DOCK8: variants seen among roughly 807,000 people sequenced by gnomAD.
DOCK8 encodes the protein dedicator of cytokinesis 8.
DOCK8 carries 141 observed loss-of-function variants against 245.6 expected under a neutral mutation model. The ratio of observed to expected loss-of-function variants is 0.57; its 90% CI spans 0.50 to 0.66. The LOEUF is 0.66. DOCK8 is among the 30% of genes least tolerant of loss of function. The pLI, the probability that DOCK8 is intolerant of heterozygous loss-of-function variation, is 0.00. For missense variants in DOCK8, 2,965 were observed against 2,603.4 expected (o/e 1.14, Z -3.02); for synonymous variants, 1,168 against 970.2 (o/e 1.20, Z -3.79).
chr9:435,006 A>C (rs1231484173), intron 39 of DOCK8, 31 bp downstream of exon 39: 1 of 1,609,116 alleles, frequency 6.2e-7, no homozygotes, highest in South Asian at 1.1e-5. Flanking sequence ...CCCTTAGAGC[A>C]GTGGTTCTCA....
intron 6 of DOCK8, among the ~76,000 whole-genome samples, chr9:314,624 G>A (rs1418502375): frequency 6.6e-6 from 1 of 152,170 alleles, no homozygotes; most frequent in African/African-American, 2.4e-5. Context: ...TTGTAAACTG[G>A]CGTGTCTAAA....
At chr9:362,674 A>G (rs974717185) in intron 14 of DOCK8, among the ~76,000 whole-genome samples, 2 of 152,180 alleles carry the variant, frequency 1.3e-5, no homozygotes, top group Admixed American at 1.3e-4. Flanking sequence ...CCAGTCGCTT[A>G]AACAGGTGGC....
chr9:448,705 T>C (rs1485716403), intron 44 of DOCK8, among the ~76,000 whole-genome samples: 2 of 152,168 alleles, frequency 1.3e-5, no homozygotes, highest in Non-Finnish European at 2.9e-5. Context: ...TTTCCTCTTC[T>C]CGTAAGGACA....
intron 4 of DOCK8, among the ~76,000 whole-genome samples, chr9:299,266 C>T (rs762281465): frequency 2.0e-5 from 3 of 152,076 alleles, no homozygotes; most frequent in Non-Finnish European, 4.4e-5. Flanking sequence ...TATGTTGTTG[C>T]CTACATTTAT....
chr9:332,613 T>A (rs2130861523), intron 10 of DOCK8, 135 bp downstream of exon 10: 1 of 359,912 alleles, frequency 2.8e-6, no homozygotes. Context: ...TTTAATTAAA[T>A]AAAAGAGGAA....
At position 420,392 on chromosome 9, in the gene DOCK8, T is replaced by C; in HGVS notation, c.3841-9T>C. 1.9e-6 allele frequency: 3 copies of C among 1,614,086 alleles called. No homozygotes were observed. Among genetic ancestry groups the C allele is most frequent in the Non-Finnish European group, 2.5e-6 (3 of 1,180,022 alleles). On this transcript the variant is annotated splice_polypyrimidine_tract_variant and intron_variant, in intron 30 of 47. Transcript: ENST00000432829. Reference sequence around the variant, plus strand: ...CCTGGCCTCCATCCCCCAATCTGCCTCCCTTCAGCCCTATAAGCAGTACAA... The same window carrying C: ...CCTGGCCTCCATCCCCCAATCTGCCCCCCTTCAGCCCTATAAGCAGTACAA...
rs1197623406 is a variant in DOCK8 at position 370,317 on chromosome 9, A to C, written c.1868+17A>C. On this transcript the variant is annotated intron_variant, in intron 16 of 47. Transcript: ENST00000432829. ...CCATAATAAGTAAGTCTATTTCAGC[A>C]TTCTAAATATATGCCAAGATGGTTT... 1.2e-6 allele frequency: 2 copies of C among 1,609,112 alleles called. No individual in the cohort carries two copies. The highest frequency in any genetic ancestry group is 1.3e-5 in the African/African-American group (1 of 74,934).
chr9:416,189 A>T (rs112905959), intron 29 of DOCK8, among the ~76,000 whole-genome samples: 1 of 152,336 alleles, frequency 6.6e-6, no homozygotes, highest in East Asian at 1.9e-4. Context: ...AGGGCTGAGC[A>T]AGCTGCACCA....
At chr9:214,372 T>C (rs1189179361), upstream of DOCK8, 2 of 748,318 alleles carry the variant, frequency 2.7e-6, no homozygotes, top group Non-Finnish European at 4.3e-6. Flanking sequence ...ATTATATTTA[T>C]TTAGTGTCTC....
At chr9:236,236 T>C (rs1349917614) in intron 1 of DOCK8, among the ~76,000 whole-genome samples, 11 of 152,130 alleles carry the variant, frequency 7.2e-5, no homozygotes, top group Admixed American at 7.2e-4. Flanking sequence ...TGAATCAGTA[T>C]TGGAGACAGG....
Position 286,555 on chromosome 9 carries a change from G to C in DOCK8, c.251G>C (p.Gly84Ala). 4 of 1,613,948 alleles carry C rather than the reference G, an allele frequency of 2.5e-6. No homozygotes were observed. The highest frequency in any genetic ancestry group is 3.4e-6 in the Non-Finnish European group (4 of 1,179,938). Reference protein sequence around the residue: ...SLDVQLAQELGDFTDDDLDVV... With the variant: ...SLDVQLAQELADFTDDDLDVV... ...GATGTGCAGCTTGCCCAGGAGCTCG[G>C]GGACTTCACTGATGACGACTTGGAC... Residue 84 changes from glycine (G) to alanine (A), a missense_variant, in exon 3 of 48, where the codon GGG (glycine) becomes GCG (alanine). By Grantham distance (60) the Gly-to-Ala change is moderately conservative. Transcript: ENST00000432829.
chr9:432,050 A>G, intron 36 of DOCK8, 116 bp from the exon 37 acceptor site: 2 of 1,044,728 alleles, frequency 1.9e-6, no homozygotes, highest in Non-Finnish European at 2.9e-6. Context: ...GAAATAATTA[A>G]GACGGGGCAA....
At chr9:332,017 C>G (rs1281197153) in intron 9 of DOCK8, among the ~76,000 whole-genome samples, 1 of 152,124 alleles carries the variant, frequency 6.6e-6, no homozygotes, top group Non-Finnish European at 1.5e-5. Flanking sequence ...CGTATGTCTC[C>G]TGGGTTTTGT....
At chr9:286,774 T>C in intron 3 of DOCK8, 138 bp downstream of exon 3, 1 of 842,110 alleles carries the variant, frequency 1.2e-6, no homozygotes, top group Non-Finnish European at 2.0e-6. Flanking sequence ...GGGACAGCTA[T>C]ATGATATCAT....
chr9:333,420 T>A (rs1460643058), intron 10 of DOCK8, among the ~76,000 whole-genome samples: 1 of 152,040 alleles, frequency 6.6e-6, no homozygotes, highest in Non-Finnish European at 1.5e-5. Flanking sequence ...GCCAACACGG[T>A]GAAACCCCGT....
chr9:400,444 ACCACCAGCATCT>A (rs1222611654), intron 26 of DOCK8, among the ~76,000 whole-genome samples: 22 of 23,012 alleles, frequency 9.6e-4, no homozygotes, highest in Middle Eastern at 0.071. Flanking sequence ...CACCTCCACC[ACCACCAGCATCT>A]TCACCATCAC....
chr9:285,884 G>T (rs1447100292), intron 2 of DOCK8, among the ~76,000 whole-genome samples: 2 of 152,162 alleles, frequency 1.3e-5, no homozygotes, highest in African/African-American at 2.4e-5. Context: ...AGTCGCCCCA[G>T]TGACATTTAG....
chr9:280,450 G>C (rs2048529744), intron 2 of DOCK8, among the ~76,000 whole-genome samples: 1 of 152,198 alleles, frequency 6.6e-6, no homozygotes, highest in Admixed American at 6.5e-5. Flanking sequence ...GAAGGTATTG[G>C]CTTGCCTACT....
At chr9:325,204 A>G (rs907536459) in intron 7 of DOCK8, among the ~76,000 whole-genome samples, 5 of 152,188 alleles carry the variant, frequency 3.3e-5, no homozygotes, top group African/African-American at 1.2e-4. Flanking sequence ...CATTTTCTTT[A>G]TCTACTCATT....
Sources: gnomAD v4.1 joint callset for allele counts (sites outside exome capture counted in the v4.1 genomes callset) on GRCh38, gnomAD v4.1.1 for gene constraint, MANE v1.5 for transcripts, NCBI Gene and HGNC (gene_info 2026-07-23, HGNC 2026-07-21) for gene names.